The following TCF12 variants were observed in gnomAD, a reference collection of about 807,000 sequenced individuals.
TCF12 encodes the protein transcription factor 12, also known as DNA-binding protein HTF4.
In TCF12, 45 loss-of-function variants were observed where a neutral mutation model predicts 86.0. The observed-to-expected ratio is 0.52, with a 90% CI of 0.41 to 0.67. The LOEUF is 0.67. Ranked by LOEUF, TCF12 falls within the 30% of genes least tolerant of loss-of-function variation. The pLI, the probability that TCF12 is intolerant of heterozygous loss-of-function variation, is 0.00. For missense variants in TCF12, 881 were observed against 859.9 expected (o/e 1.02, Z -0.31); for synonymous variants, 330 against 299.6 (o/e 1.10, Z -1.05).
intron 16 of TCF12, among the ~76,000 whole-genome samples, chr15:57,259,618 G>T (rs918683952): frequency 6.6e-6 from 1 of 152,190 alleles, no homozygotes; most frequent in Non-Finnish European, 1.5e-5. Context: ...TTAATGGCAT[G>T]GGCCTTTTAT....
chr15:57,149,652 T>A (rs529843955), intron 5 of TCF12, among the ~76,000 whole-genome samples: 1 of 152,300 alleles, frequency 6.6e-6, no homozygotes, highest in Admixed American at 6.5e-5. Context: ...CCATTATCTA[T>A]TATGGTAAAG....
intron 6 of TCF12, among the ~76,000 whole-genome samples, chr15:57,176,386 A>T (rs1407384096): frequency 6.6e-6 from 1 of 152,236 alleles, no homozygotes; most frequent in African/African-American, 2.4e-5. Context: ...AGCAAACTAC[A>T]TGTATAAGCA....
intron 18 of TCF12, among the ~76,000 whole-genome samples, chr15:57,268,100 T>C (rs2060953985): frequency 6.6e-6 from 1 of 152,164 alleles, no homozygotes; most frequent in Admixed American, 6.5e-5. Flanking sequence ...ACCAGTTAGC[T>C]CTGTGATCCT....
chr15:57,031,076 C>G (rs1324438025), intron 3 of TCF12, among the ~76,000 whole-genome samples: 6 of 152,162 alleles, frequency 3.9e-5, no homozygotes, highest in Non-Finnish European at 8.8e-5. Flanking sequence ...AACTTGTCTT[C>G]TAAATTAAGA....
chr15:57,019,261 GTAT>G (rs545660315), intron 3 of TCF12, among the ~76,000 whole-genome samples: 71 of 152,268 alleles, frequency 4.7e-4, no homozygotes, highest in Non-Finnish European at 9.1e-4. Context: ...GAACAGATTA[GTAT>G]TATTTAATTC....
intron 8 of TCF12, chr15:57,219,704 A>G: frequency 1.8e-6 from 1 of 554,022 alleles, no homozygotes; most frequent in South Asian, 2.6e-5. Context: ...TATGCAATGT[A>G]TTAGATTGTA....
chr15:56,922,086 C>T (rs899808319), intron 3 of TCF12, among the ~76,000 whole-genome samples: 7 of 151,860 alleles, frequency 4.6e-5, no homozygotes, highest in African/African-American at 1.7e-4. Flanking sequence ...TCTTCTCTCA[C>T]CTCCTTCCTT....
rs535917664 is a variant in TCF12, at chr15:57,211,223, T to C, written c.579+13398T>C. ...AGAGTTGTTATCTATCGGTAGGATG[T>C]CACTGCTTTTCTTTATTTTGTTTTA... On this transcript the variant is annotated intron_variant, in intron 8 of 20. Coordinates refer to ENST00000333725, the MANE Select transcript of TCF12 (RefSeq NM_207037.2). Among the ~76,000 whole-genome samples the C allele has an allele frequency of 1.7e-4, 26 of 152,330 alleles. No individual in the cohort carries two copies. The South Asian group carries it at 5.4e-3, about 32-fold the overall frequency.
At chr15:57,076,881 A>G (rs1368520407) in intron 4 of TCF12, among the ~76,000 whole-genome samples, 1 of 152,116 alleles carries the variant, frequency 6.6e-6, no homozygotes, top group African/African-American at 2.4e-5. Context: ...AAGGCTGTCC[A>G]GTTTGCCACC....
intron 3 of TCF12, among the ~76,000 whole-genome samples, chr15:56,981,047 A>T (rs1263726193): frequency 6.6e-6 from 1 of 152,222 alleles, no homozygotes; most frequent in Non-Finnish European, 1.5e-5. Context: ...TCAATAATAA[A>T]TTCCGGACTA....
chr15:57,236,595 T>G (rs1409993973), intron 12 of TCF12, among the ~76,000 whole-genome samples: 1 of 152,186 alleles, frequency 6.6e-6, no homozygotes, highest in African/African-American at 2.4e-5. Flanking sequence ...TTAAAAGATC[T>G]TTCATATTGT....
intron 8 of TCF12, among the ~76,000 whole-genome samples, chr15:57,213,689 C>T (rs1314163080): frequency 1.3e-5 from 2 of 152,010 alleles, no homozygotes; most frequent in African/African-American, 2.4e-5. Flanking sequence ...AAAAAAAAAT[C>T]GCACAGGCCA....
At chr15:57,290,400 G>A (rs576557623), downstream of TCF12, among the ~76,000 whole-genome samples, 3 of 152,094 alleles carry the variant, frequency 2.0e-5, no homozygotes, top group East Asian at 3.9e-4. Context: ...CACTGTGTGG[G>A]TGGACAGCTG....
At chr15:57,271,713 C>T (rs146028727) in intron 18 of TCF12, among the ~76,000 whole-genome samples, 19 of 152,180 alleles carry the variant, frequency 1.2e-4, no homozygotes, top group African/African-American at 4.6e-4. Flanking sequence ...TCCTATTTGG[C>T]CATCTTGGAA....
intron 3 of TCF12, among the ~76,000 whole-genome samples, chr15:57,052,407 G>A (rs542351460): frequency 8.0e-4 from 122 of 152,184 alleles, no homozygotes; most frequent in African/African-American, 2.7e-3. Context: ...GGAGGCAGAG[G>A]CAGGTGGATA....
At chr15:57,231,710 A>G (rs2059148063) in intron 9 of TCF12, among the ~76,000 whole-genome samples, 1 of 152,134 alleles carries the variant, frequency 6.6e-6, no homozygotes, top group South Asian at 2.1e-4. Context: ...AATCATTTTT[A>G]TTTGGTCTCC....
intron 5 of TCF12, among the ~76,000 whole-genome samples, chr15:57,148,109 C>G (rs548928607): frequency 1.3e-5 from 2 of 151,840 alleles, no homozygotes; most frequent in Non-Finnish European, 2.9e-5. Context: ...GTGTCAAACT[C>G]CTGGGCTCAA....
Position 57,232,743 on chromosome 15 carries a change from A to G in TCF12, c.857A>G (p.Asp286Gly), listed in dbSNP as rs1481359746. Residue 286 changes from aspartate to glycine, a missense_variant, in exon 11 of 21, where the codon GAC becomes GGC. Coordinates refer to ENST00000333725, the MANE Select transcript of TCF12 (RefSeq NM_207037.2). Reference sequence around the variant, plus strand: ...CCTCCACACTCAGTTTCACCAACAGACATAAACACGAGTCTTCCACCAATG... The same window carrying G: ...CCTCCACACTCAGTTTCACCAACAGGCATAAACACGAGTCTTCCACCAATG... ...SYPPHSVSPT[D>G]INTSLPPMSS... is the part of the protein sequence containing the mutation. 1 of 1,612,130 alleles carries G rather than the reference A, an allele frequency of 6.2e-7. No homozygotes were observed.
intron 3 of TCF12, 83 bp downstream of exon 3, chr15:56,921,181 A>C: frequency 1.1e-6 from 1 of 921,640 alleles, no homozygotes; most frequent in Admixed American, 2.9e-5. Flanking sequence ...TAACATTTAA[A>C]TATTATTGAA....
Sources: allele counts gnomAD v4.1 joint callset (sites outside exome capture counted in the v4.1 genomes callset), GRCh38; gene constraint gnomAD v4.1.1; transcripts MANE v1.5; gene names NCBI Gene and HGNC (gene_info 2026-07-23, HGNC 2026-07-21).